COG7: variants seen among roughly 807,000 people sequenced by gnomAD.
COG7 encodes component of oligomeric golgi complex 7.
COG7 carries 49 observed loss-of-function variants against 91.5 expected under a neutral mutation model. The ratio of observed to expected loss-of-function variants is 0.54; its 90% CI spans 0.43 to 0.68. The LOEUF (loss-of-function observed/expected upper bound fraction) is 0.68. COG7 is among the 30% of genes least tolerant of loss of function. The probability of loss-of-function intolerance (pLI) is 0.00; values close to 1 mark genes in which losing one functional copy is unlikely to be tolerated. For missense variants in COG7, 895 were observed against 961.3 expected, an observed-to-expected ratio of 0.93 and a Z score of 0.91; for synonymous variants, 365 against 388.7, an observed-to-expected ratio of 0.94 and a Z score of 0.72.
intron 2 of COG7, 85 bp from the exon 3 acceptor site, chr16:23,445,249 G>A: frequency 1.1e-6 from 1 of 941,282 alleles, no homozygotes; most frequent in Non-Finnish European, 1.8e-6. Context: ...TAAGTATGGT[G>A]GCTTGCTTCT....
chr16:23,413,179 A>C (rs1330791710), intron 10 of COG7: 1 of 391,712 alleles, frequency 2.6e-6, no homozygotes, highest in Non-Finnish European at 4.8e-6. Context: ...CTCACATCAA[A>C]TATAAAAAAT....
At chr16:23,447,087 C>T (rs1964194201) in intron 1 of COG7, 1 of 152,150 alleles carries the variant, frequency 6.6e-6, no homozygotes, top group South Asian at 2.1e-4. Flanking sequence ...TCATCATCTT[C>T]ACTGCCATCA....
chr16:23,403,494 G>A (rs1963410332), intron 13 of COG7, among the ~76,000 whole-genome samples, 200 bp downstream of exon 13: 1 of 152,212 alleles, frequency 6.6e-6, no homozygotes, highest in African/African-American at 2.4e-5. Flanking sequence ...TGTGAATAAA[G>A]TATCAGAGTA....
At chr16:23,446,273 G>A (rs1251906819) in intron 1 of COG7, among the ~76,000 whole-genome samples, 1 of 152,058 alleles carries the variant, frequency 6.6e-6, no homozygotes, top group Non-Finnish European at 1.5e-5. Context: ...TTGCAAGGAG[G>A]CATGCCCCAG....
chr16:23,413,935 T>C (rs1161433170), intron 9 of COG7: 1 of 222,248 alleles, frequency 4.5e-6, no homozygotes, highest in African/African-American at 2.3e-5. Flanking sequence ...CACGGTCCCA[T>C]GGTAATAACT....
Position 23,453,011 on chromosome 16 carries a change from G to C in COG7, c.-17C>G. 6.2e-7 allele frequency: 1 copy of C among 1,613,944 alleles called. No individual in the cohort carries two copies. The highest frequency in any genetic ancestry group is 1.7e-5 in the Admixed American group (1 of 60,020). On this transcript the variant is annotated 5_prime_UTR_variant, in exon 1 of 17. Coordinates refer to ENST00000307149, the MANE Select transcript of COG7 (RefSeq NM_153603.4). ...GAAGTCCATGGCGGAACTGCCTCAG[G>C]CCTGGCGTCCAGAACTTAAGAGTTG...
At chr16:23,432,971 C>G (rs1963956730) in intron 6 of COG7, among the ~76,000 whole-genome samples, 1 of 152,168 alleles carries the variant, frequency 6.6e-6, no homozygotes, top group African/African-American at 2.4e-5. Flanking sequence ...GCGGCATTGT[C>G]ACATTAGGTC....
intron 4 of COG7, among the ~76,000 whole-genome samples, chr16:23,441,049 A>T (rs762944554): frequency 3.9e-4 from 60 of 152,172 alleles, no homozygotes; most frequent in Non-Finnish European, 7.3e-4. Context: ...AAGACAGAAA[A>T]GAGAACAAAT....
At chr16:23,449,969 C>T (rs1964242438) in intron 1 of COG7, among the ~76,000 whole-genome samples, 1 of 152,042 alleles carries the variant, frequency 6.6e-6, no homozygotes, top group Admixed American at 6.6e-5. Context: ...GAGTCTCACT[C>T]TGTCACCCAG....
At chr16:23,452,710 A>T in intron 1 of COG7, 116 bp downstream of exon 1, 1 of 1,476,124 alleles carries the variant, frequency 6.8e-7, no homozygotes, top group Non-Finnish European at 9.0e-7. Context: ...TCTTTTGCCG[A>T]GGGTATTTGC....
At chr16:23,402,053 T>C (rs1963386782) in intron 13 of COG7, among the ~76,000 whole-genome samples, 1 of 152,108 alleles carries the variant, frequency 6.6e-6, no homozygotes. Flanking sequence ...TGAGACTCAG[T>C]CTCAAAAAAA....
chr16:23,429,021 A>T (rs1477349381), intron 6 of COG7, among the ~76,000 whole-genome samples: 1 of 150,664 alleles, frequency 6.6e-6, no homozygotes, highest in Non-Finnish European at 1.5e-5. Context: ...ACAGGGTCTC[A>T]CTCTGTCGCC....
intron 16 of COG7, among the ~76,000 whole-genome samples, 165 bp from the exon 17 acceptor site, chr16:23,389,251 C>T (rs1310936116): frequency 2.6e-5 from 4 of 152,114 alleles, no homozygotes; most frequent in African/African-American, 7.2e-5. Flanking sequence ...TCACCAGGTT[C>T]TTCCCACAGT....
Position 23,402,462 on chromosome 16 carries a change from A to G in COG7, c.1803+1232T>C, listed in dbSNP as rs181978612. 1.9e-3 allele frequency among the ~76,000 whole-genome samples: 291 copies of G among 152,328 alleles called. 3 individuals carry two copies. The highest frequency in any genetic ancestry group is 6.9e-3 in the African/African-American group (287 of 41,576). ...TTCTTAAAAATGAGAATCACAGAAA[A>G]GAAGAAAACTACCACTTATTACACA... On this transcript the variant is annotated intron_variant, in intron 13 of 16. Coordinates refer to ENST00000307149, the MANE Select transcript of COG7 (RefSeq NM_153603.4).
intron 9 of COG7, chr16:23,416,353 A>G (rs1241725794): frequency 6.5e-6 from 1 of 154,480 alleles, no homozygotes; most frequent in African/African-American, 2.4e-5. Context: ...CTGCAGGAAC[A>G]CATTCAGGCT....
At chr16:23,423,153 G>A (rs1168389580) in intron 7 of COG7, among the ~76,000 whole-genome samples, 2 of 151,716 alleles carry the variant, frequency 1.3e-5, no homozygotes, top group Admixed American at 6.6e-5. Flanking sequence ...ATCACCTGAG[G>A]TCATGAGTTC....
intron 1 of COG7, among the ~76,000 whole-genome samples, chr16:23,450,541 A>G (rs1475108591): frequency 6.6e-6 from 1 of 152,144 alleles, no homozygotes; most frequent in Non-Finnish European, 1.5e-5. Context: ...ACAATAAAGA[A>G]TAAGGGCTGG....
rs1253421784 is a variant in COG7 at position 23,410,346 on chromosome 16, C to T, written c.1424G>A (p.Cys475Tyr). ...CCCACAATGCCGCAAAAGCTCTCCA[C>T]AGGTGGCTATTATCCTAAACAAAAC... ...FQNSIRIIAT[C>Y]GELLRHCGDF... Residue 475 changes from cysteine to tyrosine, a missense_variant, in exon 11 of 17, where the codon TGT becomes TAT. Coordinates refer to ENST00000307149, the MANE Select transcript of COG7 (RefSeq NM_153603.4). 4 of 1,614,100 alleles carry T rather than the reference C, an allele frequency of 2.5e-6. No homozygotes were observed. In the South Asian group the frequency reaches 3.3e-5, roughly 13 times the overall value.
chr16:23,451,672 T>A (rs1964267819), intron 1 of COG7, among the ~76,000 whole-genome samples: 2 of 144,972 alleles, frequency 1.4e-5, no homozygotes, highest in African/African-American at 5.2e-5. Context: ...TGAACTATGA[T>A]GGTATCACTG....
Sources: gnomAD v4.1 joint callset for allele counts (sites outside exome capture counted in the v4.1 genomes callset) on GRCh38, gnomAD v4.1.1 for gene constraint, MANE v1.5 for transcripts, NCBI Gene and HGNC (gene_info 2026-07-23, HGNC 2026-07-21) for gene names.